The following NAALADL2 variants were observed in gnomAD, a reference collection of about 807,000 sequenced individuals.
NAALADL2 encodes N-acetylated alpha-linked acidic dipeptidase like 2.
NAALADL2 carries 76 observed loss-of-function variants against 87.2 expected under a neutral mutation model. The observed-to-expected ratio is 0.87, with a 90% CI of 0.72 to 1.05. The LOEUF (loss-of-function observed/expected upper bound fraction) is 1.05, where lower values mean the gene tolerates loss of function less well. Among genes scored for constraint, NAALADL2 ranks in the 50% least tolerant of loss-of-function variants. The pLI, the probability that NAALADL2 is intolerant of heterozygous loss-of-function variation, is 0.00. For synonymous variants in NAALADL2, 354 were observed against 331.0 expected (o/e 1.07, Z -0.75); for missense variants, 1,089 against 945.8 (o/e 1.15, Z -1.99).
intron 2 of NAALADL2, among the ~76,000 whole-genome samples, chr3:175,212,316 TTAATC>T (rs1360029302): frequency 2.0e-5 from 3 of 150,152 alleles, no homozygotes; most frequent in East Asian, 3.9e-4. Flanking sequence ...TAAGAGTTAA[TTAATC>T]AAGTCATAGT....
At chr3:174,893,975 C>T (rs1009629958) in intron 1 of NAALADL2, among the ~76,000 whole-genome samples, 20 of 152,082 alleles carry the variant, frequency 1.3e-4, no homozygotes, top group African/African-American at 4.3e-4. Flanking sequence ...TTACAAGAAA[C>T]ACTTTACCTG....
Position 175,540,296 on chromosome 3 carries a change from A to G in NAALADL2, c.1654-35745A>G, listed in dbSNP as rs181831207. On this transcript the variant is annotated intron_variant, in intron 9 of 13. Coordinates refer to ENST00000454872, the MANE Select transcript of NAALADL2 (RefSeq NM_207015.3). ...GATTTGAATGAGGTGATCCTTACGGATATGTCTGAGGGAAGAGAAAATGAA... is the reference window on the plus strand; with the variant it reads ...GATTTGAATGAGGTGATCCTTACGGGTATGTCTGAGGGAAGAGAAAATGAA... Among the ~76,000 whole-genome samples the G allele has an allele frequency of 4.5e-4, 68 of 152,240 alleles. No individual in the cohort carries two copies. In the East Asian group the frequency reaches 0.013, roughly 29 times the overall value.
intron 11 of NAALADL2, among the ~76,000 whole-genome samples, chr3:175,672,675 C>G (rs1734162377): frequency 6.6e-6 from 1 of 152,130 alleles, no homozygotes; most frequent in Non-Finnish European, 1.5e-5. Context: ...TAAATTCAAT[C>G]AAAACGGCAA....
chr3:175,078,841 T>C (rs181058593), intron 1 of NAALADL2, among the ~76,000 whole-genome samples: 23 of 152,362 alleles, frequency 1.5e-4, no homozygotes, highest in African/African-American at 4.8e-4. Context: ...CGTCAGTCTA[T>C]GGATATTTCA....
chr3:174,869,101 A>C (rs377230030), intron 1 of NAALADL2, among the ~76,000 whole-genome samples: 4 of 152,192 alleles, frequency 2.6e-5, no homozygotes, highest in African/African-American at 9.6e-5. Flanking sequence ...GAAATATTAA[A>C]GGACAAAATA....
At chr3:174,564,490 G>A (rs1168491889) in intron 2 of NAALADL2, among the ~76,000 whole-genome samples, 1 of 152,070 alleles carries the variant, frequency 6.6e-6, no homozygotes, top group Non-Finnish European at 1.5e-5. Flanking sequence ...ATTAGTGATT[G>A]TATGGTTTAG....
intron 5 of NAALADL2, among the ~76,000 whole-genome samples, chr3:175,377,335 C>T (rs543123277): frequency 6.6e-6 from 1 of 152,042 alleles, no homozygotes; most frequent in African/African-American, 2.4e-5. Context: ...AAAAAATCAT[C>T]AAATTTGTTT....
At chr3:174,722,103 C>G (rs542648709) in intron 2 of NAALADL2, among the ~76,000 whole-genome samples, 5 of 152,230 alleles carry the variant, frequency 3.3e-5, no homozygotes, top group Admixed American at 6.5e-5. Context: ...ATTTAGGGCC[C>G]TTTCCCATTC....
At chr3:175,309,230 G>A (rs1758053872) in intron 4 of NAALADL2, among the ~76,000 whole-genome samples, 1 of 151,652 alleles carries the variant, frequency 6.6e-6, no homozygotes, top group Non-Finnish European at 1.5e-5. Context: ...TTGTCATCCA[G>A]GCCGGTGTGG....
At chr3:175,312,001 T>C (rs1007379867) in intron 4 of NAALADL2, among the ~76,000 whole-genome samples, 1 of 152,150 alleles carries the variant, frequency 6.6e-6, no homozygotes, top group African/African-American at 2.4e-5. Flanking sequence ...CTGATTACAG[T>C]GAATTTTCCT....
At chr3:174,886,956 A>T (rs1335331034) in intron 1 of NAALADL2, among the ~76,000 whole-genome samples, 1 of 152,168 alleles carries the variant, frequency 6.6e-6, no homozygotes, top group Non-Finnish European at 1.5e-5. Context: ...AAATCCTCCA[A>T]TCAAATAAAC....
chr3:174,988,258 C>G (rs1218498845), intron 1 of NAALADL2, among the ~76,000 whole-genome samples: 1 of 152,140 alleles, frequency 6.6e-6, no homozygotes, highest in African/African-American at 2.4e-5. Flanking sequence ...GTTGAAGTAA[C>G]TAACATCCAG....
chr3:175,117,979 G>A (rs1446190758), intron 2 of NAALADL2, among the ~76,000 whole-genome samples: 2 of 151,906 alleles, frequency 1.3e-5, no homozygotes, highest in African/African-American at 4.8e-5. Context: ...CATGGATGAA[G>A]CTAGAAACCA....
chr3:175,228,864 A>G (rs935165110), intron 2 of NAALADL2, among the ~76,000 whole-genome samples: 1 of 151,986 alleles, frequency 6.6e-6, no homozygotes, highest in Non-Finnish European at 1.5e-5. Context: ...TGCCAAATTT[A>G]CTTTTAAAAA....
intron 1 of NAALADL2, among the ~76,000 whole-genome samples, chr3:174,940,130 A>G (rs987598291): frequency 6.6e-6 from 1 of 152,160 alleles, no homozygotes; most frequent in African/African-American, 2.4e-5. Flanking sequence ...CCCATTTAAT[A>G]TAATATTGGC....
intron 2 of NAALADL2, among the ~76,000 whole-genome samples, chr3:174,627,352 T>C (rs1721672852): frequency 6.6e-6 from 1 of 152,078 alleles, no homozygotes; most frequent in African/African-American, 2.4e-5. Flanking sequence ...TCTCTAATCA[T>C]CAGAGGAATG....
chr3:174,501,153 A>C (rs1417773176), intron 1 of NAALADL2, among the ~76,000 whole-genome samples: 1 of 137,444 alleles, frequency 7.3e-6, no homozygotes, highest in Non-Finnish European at 1.5e-5. Context: ...ATCTCGGCTC[A>C]CTGCAAGCTC....
At chr3:175,784,559 T>C (rs1185015655) in intron 13 of NAALADL2, among the ~76,000 whole-genome samples, 2 of 142,646 alleles carry the variant, frequency 1.4e-5, no homozygotes, top group Non-Finnish European at 3.0e-5. Context: ...ATCCCCTTTA[T>C]CATTTTTTAT....
chr3:174,612,992 G>C (rs1720082363), intron 2 of NAALADL2, among the ~76,000 whole-genome samples: 1 of 152,184 alleles, frequency 6.6e-6, no homozygotes, highest in Non-Finnish European at 1.5e-5. Flanking sequence ...AGCTGTATCT[G>C]CATTAGGGGG....
Sources: gnomAD v4.1 joint callset for allele counts (sites outside exome capture counted in the v4.1 genomes callset) on GRCh38, gnomAD v4.1.1 for gene constraint, MANE v1.5 for transcripts, NCBI Gene and HGNC (gene_info 2026-07-23, HGNC 2026-07-21) for gene names.